FRMPD4: variants seen among roughly 807,000 people sequenced by gnomAD.
FRMPD4 encodes the protein FERM and PDZ domain-containing protein 4.
FRMPD4 carries 22 observed loss-of-function variants against 94.1 expected under a neutral mutation model. The observed-to-expected ratio is 0.23, with a 90% confidence interval of 0.17 to 0.33. FRMPD4 has a LOEUF of 0.33. Ranked by LOEUF, FRMPD4 falls within the 10% of genes least tolerant of loss-of-function variation. The probability of loss-of-function intolerance (pLI) is 1.00; values close to 1 mark genes in which losing one functional copy is unlikely to be tolerated. For synonymous variants in FRMPD4, 631 were observed against 548.6 expected, an observed-to-expected ratio of 1.15 and a Z score of -2.10; for missense variants, 1,111 against 1,339.9, an observed-to-expected ratio of 0.83 and a Z score of 2.67.
intron 1 of FRMPD4, among the ~76,000 whole-genome samples, chrX:12,475,901 T>C (rs1412034915): frequency 9.0e-6 from 1 of 111,365 alleles, no homozygotes; most frequent in East Asian, 2.8e-4. Flanking sequence ...AGGTAATTTA[T>C]AGATTCAATG....
chrX:11,887,370 C>T (rs1361446244), intron 3 of FRMPD4, among the ~76,000 whole-genome samples: 1 of 111,089 alleles, frequency 9.0e-6, no homozygotes, highest in African/African-American at 3.3e-5. Context: ...CCTGCAGGCA[C>T]CACACCCTGT....
At chrX:12,229,220 T>TC (rs2147772467) in intron 1 of FRMPD4, among the ~76,000 whole-genome samples, 1 of 111,853 alleles carries the variant, frequency 8.9e-6, no homozygotes, top group African/African-American at 3.2e-5. Context: ...TGCTTTTTTT[T>TC]CCCGAGTCAT....
intron 3 of FRMPD4, among the ~76,000 whole-genome samples, chrX:12,021,351 G>T (rs1290467301): frequency 1.8e-5 from 2 of 111,289 alleles, no homozygotes; most frequent in Non-Finnish European, 3.8e-5. Context: ...AATTTAAGGG[G>T]ACTGAACAGT....
chrX:12,298,616 C>T (rs959874930), intron 1 of FRMPD4, among the ~76,000 whole-genome samples: 2 of 112,106 alleles, frequency 1.8e-5, no homozygotes, highest in African/African-American at 6.5e-5. Context: ...CCTCCAAAAA[C>T]CATTCTCGTT....
chrX:12,667,457 A>T (rs1050713642), intron 4 of FRMPD4, among the ~76,000 whole-genome samples: 2 of 112,424 alleles, frequency 1.8e-5, no homozygotes, highest in Non-Finnish European at 3.8e-5. Flanking sequence ...CTAGAAAGAA[A>T]ATATACATTA....
chrX:12,479,369 T>A (rs868400023), intron 1 of FRMPD4, among the ~76,000 whole-genome samples: 1 of 79,551 alleles, frequency 1.3e-5, no homozygotes, highest in Non-Finnish European at 2.5e-5. Context: ...CACACACACA[T>A]ATACATATAT....
At chrX:12,454,889 G>A (rs2057316877) in intron 1 of FRMPD4, among the ~76,000 whole-genome samples, 1 of 106,585 alleles carries the variant, frequency 9.4e-6, no homozygotes, top group Non-Finnish European at 1.9e-5. Context: ...TCTTTTCAGT[G>A]AGGTATCACT....
chrX:12,718,754 G>A lies in FRMPD4; in HGVS notation c.3928G>A (p.Gly1310Arg). 3 of 1,204,259 alleles carry A rather than the reference G, an allele frequency of 2.5e-6. No individual in the cohort carries two copies. The highest frequency in any genetic ancestry group is 3.4e-6 in the Non-Finnish European group (3 of 889,169). ...TEPLFGTLRD[G>R]CHRLPKIKET... ...ACCCCTGTTTGGCACATTGAGAGATGGATGCCATCGGCTCCCCAAGATTAA... is the reference window on the plus strand; with the variant it reads ...ACCCCTGTTTGGCACATTGAGAGATAGATGCCATCGGCTCCCCAAGATTAA... The change falls in exon 16 of 17, where the codon GGA becomes AGA. Residue 1310 changes from glycine (G) to arginine (R), a missense_variant. Around this residue, in one of 8 missense-constraint regions of FRMPD4, gnomAD observed 551 missense variants for 591.6 expected, o/e 0.93. Transcript: ENST00000675598.
chrX:12,537,170 T>A (rs1272334695), intron 2 of FRMPD4, among the ~76,000 whole-genome samples: 1 of 111,539 alleles, frequency 9.0e-6, no homozygotes, highest in Non-Finnish European at 1.9e-5. Context: ...TGATATAAAG[T>A]CTTTGTGTGT....
At chrX:12,410,406 T>G (rs1037824088) in intron 1 of FRMPD4, among the ~76,000 whole-genome samples, 9 of 111,845 alleles carry the variant, frequency 8.0e-5, no homozygotes, top group African/African-American at 2.9e-4. Context: ...GCTCTGTGTA[T>G]TTCTAATCTG....
chrX:12,223,739 A>C (rs2056893859), intron 1 of FRMPD4, among the ~76,000 whole-genome samples: 1 of 111,872 alleles, frequency 8.9e-6, no homozygotes, highest in Admixed American at 9.5e-5. Flanking sequence ...TCTTTATTAT[A>C]GCCATTCTAG....
intron 2 of FRMPD4, among the ~76,000 whole-genome samples, chrX:12,603,450 A>G (rs1348433610): frequency 8.9e-6 from 1 of 112,266 alleles, no homozygotes; most frequent in Non-Finnish European, 1.9e-5. Flanking sequence ...ATTTCTGCTG[A>G]GAAAGAAGGG....
At chrX:12,597,805 C>T (rs1159622718) in intron 2 of FRMPD4, among the ~76,000 whole-genome samples, 1 of 111,553 alleles carries the variant, frequency 9.0e-6, no homozygotes, top group Non-Finnish European at 1.9e-5. Context: ...TACTATAGGT[C>T]TGTTGGTTTT....
chrX:12,499,286 G>A (rs1242433772), intron 2 of FRMPD4, among the ~76,000 whole-genome samples: 1 of 111,967 alleles, frequency 8.9e-6, no homozygotes, highest in Non-Finnish European at 1.9e-5. Context: ...TCACACTAAC[G>A]TTGGCTTAGG....
At chrX:11,946,962 T>G (rs2054192697) in intron 3 of FRMPD4, among the ~76,000 whole-genome samples, 1 of 112,027 alleles carries the variant, frequency 8.9e-6, no homozygotes, top group Non-Finnish European at 1.9e-5. Context: ...ACTGTGAGAC[T>G]TCTCAGTTTT....
At chrX:12,131,817 C>T (rs767927025) in intron 3 of FRMPD4, among the ~76,000 whole-genome samples, 52 of 111,779 alleles carry the variant, frequency 4.7e-4, no homozygotes, top group African/African-American at 1.6e-3. Flanking sequence ...TTTTGTCATC[C>T]CTAAAATGGG....
chrX:12,531,835 C>T (rs887905246), intron 2 of FRMPD4, among the ~76,000 whole-genome samples: 2 of 111,479 alleles, frequency 1.8e-5, no homozygotes, highest in African/African-American at 3.3e-5. Flanking sequence ...TGCTGTCTTC[C>T]CCTCCTCCAG....
At chrX:12,711,923 A>T (rs1410097146) in intron 14 of FRMPD4, among the ~76,000 whole-genome samples, 1 of 111,192 alleles carries the variant, frequency 9.0e-6, no homozygotes, top group African/African-American at 3.3e-5. Context: ...AGACTCACAC[A>T]CAGTTTATTA....
intron 1 of FRMPD4, among the ~76,000 whole-genome samples, chrX:12,281,640 G>T (rs2054527785): frequency 9.0e-6 from 1 of 111,652 alleles, no homozygotes; most frequent in South Asian, 3.8e-4. Context: ...CTCCCAAAGT[G>T]CTGAGATTCC....
Sources: gnomAD v4.1 joint callset for allele counts (sites outside exome capture counted in the v4.1 genomes callset) on GRCh38, gnomAD v4.1.1 for gene constraint, gnomAD v4.1.1 regional missense constraint, MANE v1.5 for transcripts, NCBI Gene and HGNC (gene_info 2026-07-23, HGNC 2026-07-21) for gene names.